Variants in FBXL7 observed in about 807,000 individuals in gnomAD.
FBXL7 encodes F-box/LRR-repeat protein 7.
Under a neutral mutation model 38.3 loss-of-function variants are expected in FBXL7, and 12 were observed. The ratio of observed to expected loss-of-function variants is 0.31; its 90% CI spans 0.20 to 0.51. The LOEUF (loss-of-function observed/expected upper bound fraction) is 0.51. Ranked by LOEUF, FBXL7 falls within the 20% of genes least tolerant of loss-of-function variation. FBXL7 has a pLI of 0.98. For missense variants in FBXL7, 567 were observed against 676.4 expected (o/e 0.84, Z 1.79); for synonymous variants, 297 against 300.9 (o/e 0.99, Z 0.13).
intron 1 of FBXL7, among the ~76,000 whole-genome samples, chr5:15,597,434 G>C (rs1277899478): frequency 6.9e-6 from 1 of 144,916 alleles, no homozygotes; most frequent in Non-Finnish European, 1.5e-5. Flanking sequence ...AAGCCAGTAA[G>C]CTTATTCTGC....
chr5:15,845,204 C>A (rs1463496585), intron 2 of FBXL7, among the ~76,000 whole-genome samples: 3 of 152,308 alleles, frequency 2.0e-5, no homozygotes, highest in African/African-American at 7.2e-5. Flanking sequence ...TGAGGAAGCA[C>A]ACATTTGGAC....
intron 1 of FBXL7, among the ~76,000 whole-genome samples, chr5:15,506,024 A>C (rs758614342): frequency 9.2e-5 from 14 of 152,238 alleles, no homozygotes; most frequent in Admixed American, 9.2e-4. Flanking sequence ...AAGACAGCAA[A>C]GCTAGCAGGA....
At chr5:15,745,803 C>A (rs182002167) in intron 2 of FBXL7, among the ~76,000 whole-genome samples, 1 of 152,148 alleles carries the variant, frequency 6.6e-6, no homozygotes, top group Non-Finnish European at 1.5e-5. Context: ...CAGTAGCACT[C>A]CATCTCTGCA....
chr5:15,915,846 G>T (rs1741570468), intron 2 of FBXL7, among the ~76,000 whole-genome samples: 2 of 152,172 alleles, frequency 1.3e-5, no homozygotes, highest in African/African-American at 4.8e-5. Context: ...GATGAGAGAT[G>T]ATGAGCACTT....
intron 2 of FBXL7, among the ~76,000 whole-genome samples, chr5:15,857,925 A>T (rs944762765): frequency 6.6e-6 from 1 of 152,154 alleles, no homozygotes; most frequent in Non-Finnish European, 1.5e-5. Flanking sequence ...TATGTTTGTC[A>T]TGTCTCTATT....
intron 2 of FBXL7, among the ~76,000 whole-genome samples, chr5:15,852,769 A>G (rs551241216): frequency 6.6e-6 from 1 of 151,984 alleles, no homozygotes; most frequent in African/African-American, 2.4e-5. Context: ...TGTTTAGATA[A>G]TTCCAGTTCT....
chr5:15,607,825 G>A (rs1429030), intron 1 of FBXL7, among the ~76,000 whole-genome samples: 29,103 of 152,154 alleles, frequency 0.19, 2,870 homozygotes, highest in Admixed American at 0.21. Context: ...TAGTGTGTTC[G>A]TTTTCCCTTG....
intron 2 of FBXL7, among the ~76,000 whole-genome samples, chr5:15,743,031 A>G (rs1735931206): frequency 6.6e-6 from 1 of 152,184 alleles, no homozygotes; most frequent in East Asian, 1.9e-4. Flanking sequence ...GGTTCCTCCC[A>G]TGACATGCAG....
chr5:15,519,614 G>C (rs1737044655), intron 1 of FBXL7, among the ~76,000 whole-genome samples: 1 of 152,206 alleles, frequency 6.6e-6, no homozygotes, highest in African/African-American at 2.4e-5. Context: ...AAGGAAGTTA[G>C]AATGTGACTT....
chr5:15,502,241 A>G (rs1021854041), intron 1 of FBXL7, among the ~76,000 whole-genome samples: 1 of 152,086 alleles, frequency 6.6e-6, no homozygotes, highest in South Asian at 2.1e-4. Context: ...TTTCTTGAAC[A>G]ATCCCCTGCC....
chr5:15,928,174 G>A lies in FBXL7; in HGVS notation c.412G>A (p.Ala138Thr). Residue 138 changes from alanine to threonine, a missense_variant, in exon 3 of 4, where the codon GCG becomes ACG. By Grantham distance (58) the Ala-to-Thr change is moderately conservative. Coordinates refer to ENST00000504595, the MANE Select transcript of FBXL7 (RefSeq NM_012304.5). The surrounding 1 kb of genome is among the most constrained non-coding windows in gnomAD (Gnocchi z 4.0). ...GCCCACCAACCAGCTGTGCCGCTGCGCGCGAGTGTGCCGCCGCTGGTACAA... is the reference window on the plus strand; with the variant it reads ...GCCCACCAACCAGCTGTGCCGCTGCACGCGAGTGTGCCGCCGCTGGTACAA... ...FLPTNQLCRC[A>T]RVCRRWYNLA... The A allele has an allele frequency of 6.2e-7, 1 of 1,609,674 alleles. No individual in the cohort carries two copies. The highest frequency in any genetic ancestry group is 1.3e-5 in the African/African-American group (1 of 74,920).
chr5:15,679,849 G>GA lies in FBXL7; in HGVS notation c.127+63783dup, dbSNP rs762839098. ...ATCACATCTAACAATTCAGCCATGG[G>GA]AAAAAATGAGATAATGATAACACTA... On this transcript the variant is annotated intron_variant, in intron 2 of 3. Transcript: ENST00000504595. Among the ~76,000 whole-genome samples the GA allele has an allele frequency of 1.4e-3, 207 of 152,104 alleles. 1 individual carries two copies. Among genetic ancestry groups the GA allele is most frequent in the Non-Finnish European group, 2.4e-3 (166 of 67,972 alleles).
intron 2 of FBXL7, among the ~76,000 whole-genome samples, chr5:15,919,968 T>C (rs1480721098): frequency 1.3e-5 from 2 of 152,110 alleles, no homozygotes; most frequent in African/African-American, 4.8e-5. Flanking sequence ...GGTAAAAATA[T>C]TTGCTTTAGG....
intron 1 of FBXL7, among the ~76,000 whole-genome samples, chr5:15,562,141 A>G (rs554029218): frequency 1.0e-3 from 159 of 152,264 alleles, no homozygotes; most frequent in Non-Finnish European, 1.7e-3. Context: ...AAGACTTAAG[A>G]TGTGAAAATG....
At chr5:15,745,678 A>G (rs1162261453) in intron 2 of FBXL7, among the ~76,000 whole-genome samples, 1 of 152,158 alleles carries the variant, frequency 6.6e-6, no homozygotes, top group Admixed American at 6.5e-5. Flanking sequence ...CTAATACAGG[A>G]GTGTGCTTAG....
At position 15,719,259 on chromosome 5, in the gene FBXL7, TTAAG is replaced by T. The variant is rs532204039; in HGVS notation, c.127+103191_127+103194del. On this transcript the variant is annotated intron_variant, in intron 2 of 3. Transcript: ENST00000504595. ...CATGACAAATCCTTTGCCCAGAAGA[TTAAG>T]TAATTATTCTCTTGTCGTTCTGTAT... Among the ~76,000 whole-genome samples, 3 of 152,326 alleles carry T rather than the reference TTAAG, an allele frequency of 2.0e-5. No homozygotes were observed. In the South Asian group the frequency reaches 6.2e-4, roughly 32 times the overall value.
At chr5:15,803,641 C>T (rs140437236) in intron 2 of FBXL7, among the ~76,000 whole-genome samples, 6 of 151,678 alleles carry the variant, frequency 4.0e-5, no homozygotes, top group East Asian at 1.9e-4. Context: ...ACATTTCATG[C>T]AACCCCCGAT....
chr5:15,559,969 C>T (rs746952020), intron 1 of FBXL7, among the ~76,000 whole-genome samples: 4 of 152,210 alleles, frequency 2.6e-5, no homozygotes, highest in Non-Finnish European at 4.4e-5. Context: ...GAAGGTATCC[C>T]TGGCACCTAC....
At chr5:15,575,730 A>G (rs1417268643) in intron 1 of FBXL7, among the ~76,000 whole-genome samples, 2 of 152,218 alleles carry the variant, frequency 1.3e-5, no homozygotes, top group Admixed American at 6.5e-5. Flanking sequence ...CTGGCATGCA[A>G]TAACATAAGC....
Sources: gnomAD v4.1 joint callset for allele counts (sites outside exome capture counted in the v4.1 genomes callset) on GRCh38, gnomAD v4.1.1 for gene constraint, Gnocchi (gnomAD v3.1) non-coding constraint, MANE v1.5 for transcripts, NCBI Gene and HGNC (gene_info 2026-07-23, HGNC 2026-07-21) for gene names.